The following NDC80 variants were observed in gnomAD, a reference collection of about 807,000 sequenced individuals.
NDC80 encodes kinetochore protein NDC80 homolog.
NDC80 carries 69 observed loss-of-function variants against 89.3 expected under a neutral mutation model. The observed-to-expected ratio is 0.77, with a 90% CI of 0.64 to 0.94. NDC80 has a LOEUF of 0.94. NDC80 is among the 40% of genes least tolerant of loss of function. NDC80 has a pLI of 0.00. For synonymous variants in NDC80, 243 were observed against 255.6 expected, an observed-to-expected ratio of 0.95 and a Z score of 0.47; for missense variants, 593 against 739.6, an observed-to-expected ratio of 0.80 and a Z score of 2.30.
At chr18:2,581,969 T>C (rs1173851077) in intron 6 of NDC80, 2 of 152,222 alleles carry the variant, frequency 1.3e-5, no homozygotes, top group East Asian at 3.8e-4. Context: ...AATCTTGTCA[T>C]ATGGGAAAGT....
At chr18:2,593,832 T>G (rs1417722945) in intron 10 of NDC80, 1 of 300,284 alleles carries the variant, frequency 3.3e-6, no homozygotes, top group Non-Finnish European at 6.6e-6. Context: ...ATTTATAATT[T>G]CTGTTTGGAT....
chr18:2,604,771 T>C (rs1298864624), intron 13 of NDC80, among the ~76,000 whole-genome samples: 1 of 152,170 alleles, frequency 6.6e-6, no homozygotes, highest in Non-Finnish European at 1.5e-5. Flanking sequence ...AAGAACCTAA[T>C]TATGAAGGGG....
chr18:2,585,302 T>C, intron 7 of NDC80, 100 bp downstream of exon 7: 5 of 845,822 alleles, frequency 5.9e-6, no homozygotes, highest in Non-Finnish European at 9.4e-6. Context: ...GATAGAGTAA[T>C]AAACCGACTG....
chr18:2,608,030 T>TC (rs1229112513), intron 14 of NDC80, among the ~76,000 whole-genome samples: 3 of 140,288 alleles, frequency 2.1e-5, no homozygotes, highest in African/African-American at 7.9e-5. Context: ...ATTAATTTTT[T>TC]CCCTAAATTT....
chr18:2,589,421 T>C (rs2072616635), intron 9 of NDC80, 111 bp downstream of exon 9: 3 of 727,842 alleles, frequency 4.1e-6, no homozygotes, highest in Non-Finnish European at 2.3e-6. Flanking sequence ...CAAATTAAGC[T>C]TCTTAAAAGT....
At position 2,585,162 on chromosome 18, in the gene NDC80, C is replaced by G. The variant is rs761461631; in HGVS notation, c.629C>G (p.Pro210Arg). 16 of 1,613,458 alleles carry G rather than the reference C, an allele frequency of 9.9e-6. No individual in the cohort carries two copies. The South Asian group carries it at 1.8e-4, about 18-fold the overall frequency. ...TCACCTTTATTTGATGATGGGCAGC[C>G]TTGGGGAGAAGAAACTGAAGATGGA... ...ESSPLFDDGQPWGEETEDGIM... is the reference protein window; with the variant it reads ...ESSPLFDDGQRWGEETEDGIM... Residue 210 changes from proline to arginine, a missense_variant, in exon 7 of 17, where the codon CCT becomes CGT. Coordinates refer to ENST00000261597, the MANE Select transcript of NDC80 (RefSeq NM_006101.3).
intron 13 of NDC80, among the ~76,000 whole-genome samples, chr18:2,605,268 A>ATATG (rs1235560658): frequency 4.3e-5 from 4 of 93,434 alleles, no homozygotes; most frequent in Admixed American, 2.3e-4. Context: ...CGGGCGGGCT[A>ATATG]TATGTATGTG....
chr18:2,608,388 T>G (rs145741289), intron 14 of NDC80, among the ~76,000 whole-genome samples: 223 of 151,912 alleles, frequency 1.5e-3, no homozygotes, highest in African/African-American at 5.1e-3. Context: ...GTATTTTTAG[T>G]AGAGATGGGG....
At chr18:2,600,640 G>T (rs914735020) in intron 12 of NDC80, among the ~76,000 whole-genome samples, 9 of 151,668 alleles carry the variant, frequency 5.9e-5, no homozygotes, top group Non-Finnish European at 1.2e-4. Flanking sequence ...GATTGAAGAG[G>T]CCATTGCATC....
At chr18:2,609,360 C>T (rs1321872932) in intron 15 of NDC80, among the ~76,000 whole-genome samples, 2 of 152,028 alleles carry the variant, frequency 1.3e-5, no homozygotes, top group Non-Finnish European at 1.5e-5. Flanking sequence ...TATTGAGGCA[C>T]AGCACTAAAA....
chr18:2,572,259 G>T lies in NDC80; in HGVS notation c.-10+576G>T, dbSNP rs562056062. Among the ~76,000 whole-genome samples the T allele has an allele frequency of 5.3e-5, 8 of 152,354 alleles. No individual in the cohort carries two copies. In the South Asian group the frequency reaches 1.7e-3, roughly 32 times the overall value. On this transcript the variant is annotated intron_variant, in intron 1 of 16. Coordinates refer to ENST00000261597, the MANE Select transcript of NDC80 (RefSeq NM_006101.3). ...TGTCACCTTCCTGAAAGCCAGGGCA[G>T]GACCTGAGAAGGCTGGGTGCAGAGA...
At chr18:2,591,880 G>GAGT (rs1306553167) in intron 10 of NDC80, among the ~76,000 whole-genome samples, 6 of 150,910 alleles carry the variant, frequency 4.0e-5, no homozygotes, top group African/African-American at 7.3e-5. Flanking sequence ...TCAGCCTCCT[G>GAGT]AGTAGCTGGG....
Position 2,595,582 on chromosome 18 carries a change from G to A in NDC80, c.1182G>A (p.Leu394=), listed in dbSNP as rs754704665. ...ACCTGGAAGCTGAACAACAGAAGTT[G>A]TGGAATGAGGAGTTAAAATATGCCA... The part of the protein sequence containing the change: ...TKDLEAEQQK[L]WNEELKYARG... Residue 394 remains leucine, a synonymous_variant, in exon 11 of 17, where the codon TTG becomes TTA. Transcript: ENST00000261597. 2 of 1,613,694 alleles carry A rather than the reference G, an allele frequency of 1.2e-6. No individual in the cohort carries two copies. The highest frequency in any genetic ancestry group is 2.2e-5 in the South Asian group (2 of 91,060).
intron 10 of NDC80, among the ~76,000 whole-genome samples, chr18:2,591,337 G>A (rs550330078): frequency 7.7e-4 from 117 of 152,254 alleles, no homozygotes; most frequent in African/African-American, 2.6e-3. Flanking sequence ...AAAGGTATCT[G>A]CAAGTCACAG....
intron 6 of NDC80, among the ~76,000 whole-genome samples, chr18:2,583,736 T>C (rs2072590143): frequency 1.3e-5 from 2 of 150,748 alleles, no homozygotes; most frequent in Non-Finnish European, 3.0e-5. Flanking sequence ...CCTGAGGCCT[T>C]GTCGAAAAAA....
At chr18:2,576,951 A>C (rs1160531649) in intron 3 of NDC80, among the ~76,000 whole-genome samples, 1 of 152,182 alleles carries the variant, frequency 6.6e-6, no homozygotes. Flanking sequence ...TCACCTTTTA[A>C]AAAAGTCTCT....
At chr18:2,598,511 A>G (rs1479791212) in intron 11 of NDC80, among the ~76,000 whole-genome samples, 2 of 152,246 alleles carry the variant, frequency 1.3e-5, no homozygotes, top group African/African-American at 4.8e-5. Flanking sequence ...TTATTTGAAC[A>G]GAGCCCTGAA....
At chr18:2,584,253 A>C (rs1598366012) in intron 6 of NDC80, among the ~76,000 whole-genome samples, 3 of 150,078 alleles carry the variant, frequency 2.0e-5, no homozygotes, top group Non-Finnish European at 1.5e-5. Context: ...GCACCACTGC[A>C]CTCCATCCTG....
rs779733509 is a variant in NDC80, at chr18:2,577,796, C to G, written c.230C>G (p.Ser77Cys). 4.3e-6 allele frequency: 7 copies of G among 1,613,996 alleles called. No homozygotes were observed. Among genetic ancestry groups the G allele is most frequent in the Middle Eastern group, 1.7e-4 (1 of 6,060 alleles). Residue 77 changes from serine (S) to cysteine (C), a missense_variant, in exon 4 of 17, where the codon TCT becomes TGT. Coordinates refer to ENST00000261597, the MANE Select transcript of NDC80 (RefSeq NM_006101.3). ...RNSQLGIFSS[S>C]EKIKDPRPLN... ...AGTCAACTTGGTATATTTTCCAGTT[C>G]TGAGAAAATCAAGGACCCGAGACCA...
Sources: gnomAD v4.1 joint callset for allele counts (sites outside exome capture counted in the v4.1 genomes callset) on GRCh38, gnomAD v4.1.1 for gene constraint, MANE v1.5 for transcripts, NCBI Gene and HGNC (gene_info 2026-07-23, HGNC 2026-07-21) for gene names.